ABCC5: variants seen among roughly 807,000 people sequenced by gnomAD.
ABCC5 encodes ATP binding cassette subfamily C member 5.
Under a neutral mutation model 160.9 loss-of-function variants are expected in ABCC5, and 61 were observed. That is an observed-to-expected ratio of 0.38 (90% CI 0.31 to 0.47). The LOEUF (loss-of-function observed/expected upper bound fraction) is 0.47, where lower values mean the gene tolerates loss of function less well. ABCC5 is among the 20% of genes least tolerant of loss of function. The pLI is 0.99. For synonymous variants in ABCC5, 666 were observed against 700.6 expected (o/e 0.95, Z 0.78); for missense variants, 1,308 against 1,813.3 (o/e 0.72, Z 5.06).
At chr3:183,962,719 A>T (rs1233034992) in intron 15 of ABCC5, among the ~76,000 whole-genome samples, 1 of 151,736 alleles carries the variant, frequency 6.6e-6, no homozygotes, top group Non-Finnish European at 1.5e-5. Flanking sequence ...TTTAGTAGAG[A>T]TGGGGTTTCA....
chr3:184,008,022 AATG>A (rs1276766248), intron 2 of ABCC5, among the ~76,000 whole-genome samples: 1 of 152,174 alleles, frequency 6.6e-6, no homozygotes, highest in Non-Finnish European at 1.5e-5. Flanking sequence ...TTTCCAGCCA[AATG>A]ATACCTCCTC....
intron 2 of ABCC5, among the ~76,000 whole-genome samples, chr3:184,002,500 C>A (rs1720830645): frequency 6.6e-6 from 1 of 152,210 alleles, no homozygotes; most frequent in Non-Finnish European, 1.5e-5. Flanking sequence ...TTCATAGACA[C>A]CTCTGGTATG....
intron 11 of ABCC5, 47 bp from the exon 12 acceptor site, chr3:183,967,813 A>G (rs1246171108): frequency 4.2e-6 from 6 of 1,445,206 alleles, no homozygotes; most frequent in Non-Finnish European, 4.9e-6. Flanking sequence ...ACTACTAACC[A>G]CTCATCGCTA....
In ABCC5 at chr3:183,965,375, G is replaced by C; in HGVS notation, c.1958+2C>G. On this transcript the variant is annotated splice_donor_variant, in intron 13 of 29. Transcript: ENST00000334444. LOFTEE classifies it high-confidence loss of function. ...GCATGACAGAAGCCAAACATTCCTTGCCTTTCTTCATCATATTCCTTCCCA... is the reference window on the plus strand; with the variant it reads ...GCATGACAGAAGCCAAACATTCCTTCCCTTTCTTCATCATATTCCTTCCCA... The C allele has an allele frequency of 6.2e-7, 1 of 1,614,116 alleles. No individual in the cohort carries two copies. The highest frequency in any genetic ancestry group is 8.5e-7 in the Non-Finnish European group (1 of 1,180,026).
chr3:183,982,120 G>C lies in ABCC5; in HGVS notation c.1000-246C>G, dbSNP rs1254208315. Among the ~76,000 whole-genome samples, 14 of 152,170 alleles carry C rather than the reference G, an allele frequency of 9.2e-5. No homozygotes were observed. Among genetic ancestry groups the C allele is most frequent in the Admixed American group, 9.2e-4 (14 of 15,280 alleles). ...GTATTTATTCTCAATAGTGACCACA[G>C]AGACTGAGTGCTTCCAAAGGGGAGG... is the stretch of plus-strand genomic sequence containing the variant. On this transcript the variant is annotated intron_variant, in intron 7 of 29. Transcript: ENST00000334444. This position sits in a 1 kb window ranked among gnomAD's most constrained non-coding sequence, Gnocchi z 5.2.
At chr3:183,966,347 G>C (rs1717216401) in intron 12 of ABCC5, among the ~76,000 whole-genome samples, 1 of 152,184 alleles carries the variant, frequency 6.6e-6, no homozygotes, top group Non-Finnish European at 1.5e-5. Flanking sequence ...GTCTACTGTG[G>C]AAAGCCGGCA....
chr3:183,931,317 G>C (rs1232559333), intron 26 of ABCC5, among the ~76,000 whole-genome samples: 1 of 151,402 alleles, frequency 6.6e-6, no homozygotes, highest in Non-Finnish European at 1.5e-5. Flanking sequence ...TACGACAACA[G>C]GCTTAACTTT....
intron 2 of ABCC5, among the ~76,000 whole-genome samples, chr3:184,000,013 A>C (rs1305036019): frequency 6.6e-6 from 1 of 152,038 alleles, no homozygotes; most frequent in Admixed American, 6.6e-5. Context: ...TGAAAAGGAA[A>C]CTTTTTTGCG....
intron 26 of ABCC5, among the ~76,000 whole-genome samples, chr3:183,936,698 C>T (rs951703790): frequency 1.2e-4 from 18 of 152,208 alleles, no homozygotes; most frequent in South Asian, 4.1e-4. Flanking sequence ...TTAGTAGAGA[C>T]GGGGTTTCAC....
Position 183,987,389 on chromosome 3 carries a change from T to A in ABCC5, c.591+381A>T. ...GATAACTGCCTCCAGGCACTTGGTA[T>A]GTTCCCGGTGCTGGCTCACCAGCCC... On this transcript the variant is annotated intron_variant, in intron 5 of 29. Transcript: ENST00000334444. The surrounding 1 kb of genome is among the most constrained non-coding windows in gnomAD (Gnocchi z 4.2). The A allele has an allele frequency of 2.1e-6, 1 of 468,052 alleles. No individual in the cohort carries two copies. The highest frequency in any genetic ancestry group is 3.8e-5 in the South Asian group (1 of 26,288). 29.0% of individuals were successfully genotyped at this position (468,052 alleles called of 1,614,324 possible).
chr3:183,945,902 G>C lies in ABCC5; in HGVS notation c.3452C>G (p.Ser1151Cys). 2 of 1,614,164 alleles carry C rather than the reference G, an allele frequency of 1.2e-6. No homozygotes were observed. Among genetic ancestry groups the C allele is most frequent in the Non-Finnish European group, 1.7e-6 (2 of 1,180,012 alleles). Residue 1151 changes from serine to cysteine, a missense_variant, in exon 24 of 30, where the codon TCT (serine) becomes TGT (cysteine). Ser to Cys is a moderately radical substitution (Grantham distance 112). Around this residue, in one of 3 missense-constraint regions of ABCC5, gnomAD observed 1,142 missense variants for 1,527.1 expected, o/e 0.75. Transcript: ENST00000334444. Reference sequence around the variant, plus strand: ...CGAGGTGAATCGAGCTTCTGTCTCAGATGCCAGTCTGACCGTAAACTGGAA... The same window carrying C: ...CGAGGTGAATCGAGCTTCTGTCTCACATGCCAGTCTGACCGTAAACTGGAA... The part of the protein sequence containing the change: ...GLFQFTVRLA[S>C]ETEARFTSVE...
chr3:183,922,196 A>G (rs1712063352), intron 29 of ABCC5, among the ~76,000 whole-genome samples: 2 of 152,022 alleles, frequency 1.3e-5, no homozygotes, highest in African/African-American at 4.8e-5. Context: ...ACATGGTGAA[A>G]CCCTGTCTCT....
Position 183,947,341 on chromosome 3 carries a change from T to C in ABCC5, c.3397A>G (p.Ile1133Val), listed in dbSNP as rs1714935274. ...AGACTGACCTGGACAGCATAAGAGA[T>C]GGCGAGACCCGCATAGGCTGGGGGA... ...QIPPAYAGLA[I>V]SYAVQLTGLF... is the part of the protein sequence containing the mutation. The change falls in exon 23 of 30, where the codon ATC (isoleucine) becomes GTC (valine). Residue 1133 changes from isoleucine to valine, a missense_variant. Physicochemically the swap from Ile to Val is conservative, Grantham distance 29. Coordinates refer to ENST00000334444, the MANE Select transcript of ABCC5 (RefSeq NM_005688.4). 2 of 1,610,352 alleles carry C rather than the reference T, an allele frequency of 1.2e-6. No homozygotes were observed. Among genetic ancestry groups the C allele is most frequent in the Non-Finnish European group, 1.7e-6 (2 of 1,178,058 alleles).
rs1396749000 is a variant in ABCC5, at chr3:183,982,377, C to A, written c.999+74G>T. On this transcript the variant is annotated intron_variant, in intron 7 of 29. Coordinates refer to ENST00000334444, the MANE Select transcript of ABCC5 (RefSeq NM_005688.4). The surrounding 1 kb of genome is among the most constrained non-coding windows in gnomAD (Gnocchi z 5.2). Reference sequence around the variant, plus strand: ...TCAGAGCTGTGAGACCTCAGCAATGCCTACTATAACCCAATGGAAGTAACT... The same window carrying A: ...TCAGAGCTGTGAGACCTCAGCAATGACTACTATAACCCAATGGAAGTAACT... 2 of 1,498,976 alleles carry A rather than the reference C, an allele frequency of 1.3e-6. No individual in the cohort carries two copies. 92.9% of individuals were successfully genotyped at this position (1,498,976 alleles called of 1,614,324 possible).
chr3:183,924,010 CTTTT>C (rs200040197), intron 29 of ABCC5, among the ~76,000 whole-genome samples: 193 of 112,758 alleles, frequency 1.7e-3, no homozygotes, highest in Non-Finnish European at 2.3e-3. Flanking sequence ...TTACTGTTTG[CTTTT>C]TTTTTTTTTT....
intron 15 of ABCC5, among the ~76,000 whole-genome samples, chr3:183,962,367 T>TA (rs201428341): frequency 0.048 from 7,262 of 152,216 alleles, 268 homozygotes; most frequent in East Asian, 0.17. Context: ...AGCCAGCGAC[T>TA]GTCTCTACTG....
chr3:183,944,152 G>C (rs1035468616), intron 24 of ABCC5, among the ~76,000 whole-genome samples: 1 of 152,178 alleles, frequency 6.6e-6, no homozygotes, highest in African/African-American at 2.4e-5. Flanking sequence ...CAGCATTTTG[G>C]GAGGTGGAGG....
intron 5 of ABCC5, chr3:183,984,893 G>T (rs368268923): frequency 5.1e-5 from 80 of 1,572,214 alleles, no homozygotes; most frequent in Non-Finnish European, 6.8e-5. Context: ...TCCAAAGGAA[G>T]GCTGAAAGGA....
intron 2 of ABCC5, among the ~76,000 whole-genome samples, chr3:183,991,812 C>T (rs577008593): frequency 1.3e-5 from 2 of 152,238 alleles, no homozygotes; most frequent in East Asian, 3.9e-4. Flanking sequence ...AAGTACATTA[C>T]AAAGGTTTTT....
Sources: allele counts gnomAD v4.1 joint callset (sites outside exome capture counted in the v4.1 genomes callset), GRCh38; gene constraint gnomAD v4.1.1; regional missense constraint gnomAD v4.1.1; non-coding constraint Gnocchi (gnomAD v3.1); transcripts MANE v1.5; gene names NCBI Gene and HGNC (gene_info 2026-07-23, HGNC 2026-07-21).